Variants in NLGN4X observed in about 807,000 individuals in gnomAD.
NLGN4X encodes the protein neuroligin-4, X-linked.
A neutral mutation model predicts 40.3 loss-of-function variants in NLGN4X; 3 were observed. The ratio of observed to expected loss-of-function variants is 0.07; its 90% confidence interval spans 0.03 to 0.19. NLGN4X has a LOEUF of 0.19. NLGN4X is among the 10% of genes least tolerant of loss of function. The pLI is 1.00. For synonymous variants in NLGN4X, 270 were observed against 306.8 expected (o/e 0.88, Z 1.25); for missense variants, 382 against 708.3 (o/e 0.54, Z 5.23).
chrX:6,198,712 A>G (rs2147851161), intron 1 of NLGN4X, among the ~76,000 whole-genome samples: 1 of 111,515 alleles, frequency 9.0e-6, no homozygotes, highest in African/African-American at 3.3e-5. Context: ...TTGAAAGAGG[A>G]GAGAGAGAGA....
chrX:6,102,704 G>A (rs2038942810), intron 2 of NLGN4X, among the ~76,000 whole-genome samples: 1 of 109,282 alleles, frequency 9.2e-6, no homozygotes, highest in Admixed American at 9.9e-5. Flanking sequence ...GCATAGAGAT[G>A]ATAGATACAT....
intron 2 of NLGN4X, among the ~76,000 whole-genome samples, chrX:6,034,037 C>G (rs2036937928): frequency 8.9e-6 from 1 of 112,352 alleles, no homozygotes; most frequent in Non-Finnish European, 1.9e-5. Context: ...CTCAGAAGAG[C>G]TTAAACATAT....
chrX:6,040,792 TAGAC>T (rs1285923986), intron 2 of NLGN4X, among the ~76,000 whole-genome samples: 1 of 112,111 alleles, frequency 8.9e-6, no homozygotes, highest in Non-Finnish European at 1.9e-5. Flanking sequence ...AGATAAATGA[TAGAC>T]AGATATAATT....
At chrX:5,971,411 T>C (rs1171274182) in intron 3 of NLGN4X, among the ~76,000 whole-genome samples, 1 of 110,819 alleles carries the variant, frequency 9.0e-6, no homozygotes, top group East Asian at 2.9e-4. Context: ...AATGATGCAT[T>C]TGCAATACTT....
chrX:6,070,679 G>A (rs1411515756), intron 2 of NLGN4X, among the ~76,000 whole-genome samples: 5 of 111,944 alleles, frequency 4.5e-5, no homozygotes, highest in Non-Finnish European at 5.6e-5. Context: ...ATAAATACCC[G>A]AGACTGGGTA....
chrX:6,046,818 ACACT>A (rs1196282235), intron 2 of NLGN4X, among the ~76,000 whole-genome samples: 1 of 105,166 alleles, frequency 9.5e-6, no homozygotes, highest in Non-Finnish European at 1.9e-5. Flanking sequence ...ATATATACAC[ACACT>A]GTTACAATCA....
chrX:6,032,672 T>C, intron 2 of NLGN4X: 1 of 1,160,465 alleles, frequency 8.6e-7, no homozygotes, highest in African/African-American at 1.8e-5. Context: ...GGGTTGAGCT[T>C]TGAAAAAACA....
At chrX:5,981,278 C>G (rs2035379845) in intron 3 of NLGN4X, among the ~76,000 whole-genome samples, 1 of 110,877 alleles carries the variant, frequency 9.0e-6, no homozygotes, top group African/African-American at 3.3e-5. Flanking sequence ...GAAATCTAAA[C>G]ATTCTGAAAC....
At chrX:5,935,317 C>A (rs1601913401) in intron 3 of NLGN4X, among the ~76,000 whole-genome samples, 2 of 112,162 alleles carry the variant, frequency 1.8e-5, no homozygotes, top group Admixed American at 1.9e-4. Context: ...AAGAAATAAA[C>A]ATTTCTTTAT....
intron 3 of NLGN4X, among the ~76,000 whole-genome samples, chrX:5,999,814 T>C (rs1457460721): frequency 8.9e-6 from 1 of 112,147 alleles, no homozygotes; most frequent in Non-Finnish European, 1.9e-5. Flanking sequence ...GAATGTGGCT[T>C]GCACGTTCAA....
intron 2 of NLGN4X, among the ~76,000 whole-genome samples, chrX:6,092,122 C>G (rs1226510760): frequency 9.1e-6 from 1 of 110,488 alleles, no homozygotes; most frequent in Non-Finnish European, 1.9e-5. Context: ...GAGACCTTCC[C>G]TGAACAAAAC....
intron 2 of NLGN4X, among the ~76,000 whole-genome samples, chrX:6,062,450 G>C (rs767830003): frequency 2.0e-4 from 22 of 111,482 alleles, no homozygotes; most frequent in African/African-American, 6.8e-4. Flanking sequence ...ATTATCTGTT[G>C]AAATCCTTCC....
At chrX:5,996,398 G>A (rs2035817830) in intron 3 of NLGN4X, among the ~76,000 whole-genome samples, 1 of 111,371 alleles carries the variant, frequency 9.0e-6, no homozygotes, top group African/African-American at 3.3e-5. Flanking sequence ...TCTCCCTGCC[G>A]GGGTCACCTA....
intron 2 of NLGN4X, among the ~76,000 whole-genome samples, chrX:6,064,294 C>A (rs57312763): frequency 9.0e-6 from 1 of 111,343 alleles, no homozygotes; most frequent in Non-Finnish European, 1.9e-5. Flanking sequence ...AGCCACACAG[C>A]GGGGAAGGCT....
intron 1 of NLGN4X, among the ~76,000 whole-genome samples, chrX:6,156,181 T>C (rs1260775150): frequency 3.6e-5 from 4 of 111,701 alleles, no homozygotes. Context: ...ATAAAGAAAA[T>C]GTGATGCGTA....
At chrX:5,952,345 G>T (rs955333711) in intron 3 of NLGN4X, among the ~76,000 whole-genome samples, 1 of 111,903 alleles carries the variant, frequency 8.9e-6, no homozygotes, top group African/African-American at 3.3e-5. Context: ...TGTTAGGTGC[G>T]CCCAGTGGAT....
rs765411414 is a variant in NLGN4X, at chrX:6,035,111, G to T, written c.473-5679C>A. Among the ~76,000 whole-genome samples, 3 of 111,548 alleles carry T rather than the reference G, an allele frequency of 2.7e-5. No homozygotes were observed. The East Asian group carries it at 8.4e-4, about 31-fold the overall frequency. On this transcript the variant is annotated intron_variant, in intron 2 of 5. Transcript: ENST00000381095. ...CAGAAATGTCTATTAATTTATTTTT[G>T]CCCATTAAAAAATAATTTCTTTCCT...
chrX:6,078,887 C>G (rs1251237972), intron 2 of NLGN4X, among the ~76,000 whole-genome samples: 1 of 111,122 alleles, frequency 9.0e-6, no homozygotes, highest in African/African-American at 3.3e-5. Flanking sequence ...GTGATTAGAT[C>G]ATGAGGACAG....
At chrX:6,055,336 T>C (rs111500805) in intron 2 of NLGN4X, among the ~76,000 whole-genome samples, 9,997 of 111,443 alleles carry the variant, frequency 0.09, 420 homozygotes, top group Non-Finnish European at 0.13. Context: ...CTCTACAAAG[T>C]AAAAATTAAA....
Sources: gnomAD v4.1 joint callset for allele counts (sites outside exome capture counted in the v4.1 genomes callset) on GRCh38, gnomAD v4.1.1 for gene constraint, MANE v1.5 for transcripts, NCBI Gene and HGNC (gene_info 2026-07-23, HGNC 2026-07-21) for gene names.